Variants in IGSF10 observed in about 807,000 individuals in gnomAD.
The protein encoded by IGSF10 is immunoglobulin superfamily member 10.
IGSF10 carries 126 observed loss-of-function variants against 128.2 expected under a neutral mutation model. That is an observed-to-expected ratio of 0.98 (90% CI 0.85 to 1.14). The LOEUF (loss-of-function observed/expected upper bound fraction) is 1.14, where lower values mean the gene tolerates loss of function less well. Ranked by LOEUF, IGSF10 falls within the 50% of genes most tolerant of loss-of-function variation. IGSF10 has a pLI of 0.00. For synonymous variants in IGSF10, 1,185 were observed against 1,146.2 expected (o/e 1.03, Z -0.68); for missense variants, 3,295 against 3,149.8 (o/e 1.05, Z -1.10).
chr3:151,433,149 A>G (rs79804360), downstream of IGSF10: 5 of 184,410 alleles, frequency 2.7e-5, no homozygotes, highest in East Asian at 7.2e-4. Flanking sequence ...TAAGGTATTT[A>G]TGTATTTCAT....
chr3:151,518,095 C>T, the IGSF10 span, among the ~76,000 whole-genome samples: 1 of 152,028 alleles, frequency 6.6e-6, no homozygotes, highest in Admixed American at 6.6e-5. Flanking sequence ...CTTAAAGCTG[C>T]CTACTTATAT....
chr3:151,550,681 T>A, the IGSF10 span, among the ~76,000 whole-genome samples: 1 of 152,080 alleles, frequency 6.6e-6, no homozygotes, highest in Non-Finnish European at 1.5e-5. Flanking sequence ...TTTTTTCTCG[T>A]TTTTTACATT....
the IGSF10 span, among the ~76,000 whole-genome samples, chr3:151,516,785 A>G: frequency 6.6e-6 from 1 of 152,142 alleles, no homozygotes; most frequent in East Asian, 1.9e-4. Flanking sequence ...TTCTTTTAAC[A>G]GTAAAAACAA....
the IGSF10 span, among the ~76,000 whole-genome samples, chr3:151,500,057 A>G: frequency 2.0e-5 from 3 of 152,198 alleles, no homozygotes; most frequent in African/African-American, 7.2e-5. Context: ...CAGCATGATC[A>G]TTTAATATCA....
chr3:151,484,729 C>CAG, the IGSF10 span, among the ~76,000 whole-genome samples: 1 of 131,626 alleles, frequency 7.6e-6, no homozygotes, highest in South Asian at 2.4e-4. Context: ...GGAAAACTGA[C>CAG]AAAAAAAAAA....
chr3:151,530,070 G>T, the IGSF10 span, among the ~76,000 whole-genome samples: 1 of 151,678 alleles, frequency 6.6e-6, no homozygotes, highest in African/African-American at 2.4e-5. Flanking sequence ...GCATACACAA[G>T]TATCAATAGC....
the IGSF10 span, among the ~76,000 whole-genome samples, chr3:151,526,805 T>C: frequency 8.6e-4 from 131 of 152,298 alleles, no homozygotes; most frequent in South Asian, 0.012. Flanking sequence ...TCTTCATCTT[T>C]ACCTAGTTCC....
the IGSF10 span, among the ~76,000 whole-genome samples, chr3:151,604,232 A>T: frequency 6.6e-6 from 1 of 152,176 alleles, no homozygotes; most frequent in Non-Finnish European, 1.5e-5. Context: ...GTCTGATACT[A>T]AATCTGTCTT....
At position 151,447,141 on chromosome 3, in the gene IGSF10, G is replaced by A. The variant is rs781332713; in HGVS notation, c.2840C>T (p.Ser947Leu). Reference sequence around the variant, plus strand: ...CTGATGACTATTTGTGGTATTTACTGACTCTAATAATAGTTTGTTGGTGGT... The same window carrying A: ...CTGATGACTATTTGTGGTATTTACTAACTCTAATAATAGTTTGTTGGTGGT... ...SSTTNKLLLE[S>L]VNTTNSHQTS... is the part of the protein sequence containing the mutation. Residue 947 changes from serine (S) to leucine (L), a missense_variant, in exon 6 of 8, where the codon TCA becomes TTA. Ser to Leu is a moderately radical substitution (Grantham distance 145). Coordinates refer to ENST00000282466, the MANE Select transcript of IGSF10 (RefSeq NM_178822.5). 13 of 1,614,134 alleles carry A rather than the reference G, an allele frequency of 8.1e-6. No individual in the cohort carries two copies. The highest frequency in any genetic ancestry group is 1.1e-5 in the South Asian group (1 of 91,074).
the IGSF10 span, among the ~76,000 whole-genome samples, chr3:151,579,602 GA>G: frequency 3.1e-4 from 45 of 144,420 alleles, no homozygotes; most frequent in African/African-American, 7.6e-4. Flanking sequence ...AAAAAGTAAA[GA>G]AAAAAAAAAC....
chr3:151,472,778 C>T, the IGSF10 span, among the ~76,000 whole-genome samples: 2 of 152,124 alleles, frequency 1.3e-5, no homozygotes, highest in Non-Finnish European at 2.9e-5. Context: ...TTGAGATCCA[C>T]TAACTGAGGA....
chr3:151,582,295 G>GGC, the IGSF10 span, among the ~76,000 whole-genome samples: 36 of 116,760 alleles, frequency 3.1e-4, 1 homozygote, highest in South Asian at 1.2e-3. Context: ...AAATATCCGG[G>GGC]GGGGGGGGCG....
chr3:151,594,386 T>G, the IGSF10 span, among the ~76,000 whole-genome samples: 3 of 146,824 alleles, frequency 2.0e-5, no homozygotes, highest in East Asian at 2.0e-4. Flanking sequence ...CAGGCTGGAG[T>G]GCAGTGGCGC....
At position 151,446,006 on chromosome 3, in the gene IGSF10, G is replaced by C. The variant is rs145938028; in HGVS notation, c.3975C>G (p.Phe1325Leu). The C allele has an allele frequency of 5.0e-5, 81 of 1,614,192 alleles. No individual in the cohort carries two copies. The African/African-American group carries it at 9.7e-4, about 19-fold the overall frequency. The change falls in exon 6 of 8, where the codon TTC (phenylalanine) becomes TTG (leucine). Residue 1325 changes from phenylalanine to leucine, a missense_variant. Physicochemically the swap from Phe to Leu is conservative, Grantham distance 22. Coordinates refer to ENST00000282466, the MANE Select transcript of IGSF10 (RefSeq NM_178822.5). ...TTTCATAAGTGATGACAGATGCAGG[G>C]AAGGTAGGAGTTGTTGCTGGTATTG... ...QTAIPATTPT[F>L]PASVITYETQ...
chr3:151,611,602 A>T, the IGSF10 span, among the ~76,000 whole-genome samples: 14 of 152,164 alleles, frequency 9.2e-5, no homozygotes, highest in African/African-American at 2.9e-4. Context: ...GATATCTTCC[A>T]TGTGTTCTTA....
chr3:151,502,532 T>A, the IGSF10 span, among the ~76,000 whole-genome samples: 1 of 152,082 alleles, frequency 6.6e-6, no homozygotes, highest in Non-Finnish European at 1.5e-5. Context: ...TTCCTGTTTT[T>A]AACTACACTT....
the IGSF10 span, among the ~76,000 whole-genome samples, chr3:151,596,967 G>A: frequency 6.6e-6 from 1 of 151,950 alleles, no homozygotes; most frequent in African/African-American, 2.4e-5. Context: ...TAGTTCCTAT[G>A]AGACTCCAGG....
chr3:151,445,446 T>C lies in IGSF10; in HGVS notation c.4535A>G (p.Asn1512Ser). The change falls in exon 6 of 8, where the codon AAT (asparagine) becomes AGT (serine). Residue 1512 changes from asparagine (N) to serine (S), a missense_variant. Transcript: ENST00000282466. ...TGCTACTAATTGCTGTGGTTTAGCA[T>C]TGTGCCTTGAGGATTCGTGCAGCTT... ...VVKLHESSRHNAKPQQLVAEV... is the reference protein window; with the variant it reads ...VVKLHESSRHSAKPQQLVAEV... 1 of 1,614,206 alleles carries C rather than the reference T, an allele frequency of 6.2e-7. No homozygotes were observed. The highest frequency in any genetic ancestry group is 8.5e-7 in the Non-Finnish European group (1 of 1,180,040).
Position 151,456,966 on chromosome 3 carries a change from G to A in IGSF10, c.324+60C>T. 3 of 1,566,686 alleles carry A rather than the reference G, an allele frequency of 1.9e-6. No individual in the cohort carries two copies. The South Asian group carries it at 3.4e-5, about 18-fold the overall frequency. Reference sequence around the variant, plus strand: ...GTGTAGAGATAGGCAGCCTTTGAAGGTCTATCTCACAGGTCCCACCTTACC... The same window carrying A: ...GTGTAGAGATAGGCAGCCTTTGAAGATCTATCTCACAGGTCCCACCTTACC... On this transcript the variant is annotated intron_variant, in intron 4 of 7. Coordinates refer to ENST00000282466, the MANE Select transcript of IGSF10 (RefSeq NM_178822.5).
Sources: allele counts gnomAD v4.1 joint callset (sites outside exome capture counted in the v4.1 genomes callset), GRCh38; gene constraint gnomAD v4.1.1; transcripts MANE v1.5; gene names NCBI Gene and HGNC (gene_info 2026-07-23, HGNC 2026-07-21).